Variants in NPLOC4 observed in about 807,000 individuals in gnomAD.
NPLOC4 encodes the protein nuclear protein localization protein 4 homolog.
NPLOC4 carries 18 observed loss-of-function variants against 80.6 expected under a neutral mutation model. The observed-to-expected ratio is 0.22, with a 90% CI of 0.15 to 0.33. The LOEUF (loss-of-function observed/expected upper bound fraction) is 0.33, where lower values mean the gene tolerates loss of function less well. Ranked by LOEUF, NPLOC4 falls within the 10% of genes least tolerant of loss-of-function variation. The pLI is 1.00. For synonymous variants in NPLOC4, 313 were observed against 301.5 expected (o/e 1.04, Z -0.39); for missense variants, 540 against 786.1 (o/e 0.69, Z 3.74).
rs1204515010 is a variant in NPLOC4 at position 81,613,590 on chromosome 17, C to A, written c.210-96G>T. 2.0e-5 allele frequency: 21 copies of A among 1,050,518 alleles called. 1 individual carries two copies. Among genetic ancestry groups the A allele is most frequent in the East Asian group, 7.8e-5 (3 of 38,452 alleles). 65.1% of individuals were successfully genotyped at this position (1,050,518 alleles called of 1,614,324 possible). A position where few individuals can be genotyped will look rare whatever the true frequency, so the allele number is the denominator to read the frequency against. On this transcript the variant is annotated intron_variant, in intron 3 of 16. Coordinates refer to ENST00000331134, the MANE Select transcript of NPLOC4 (RefSeq NM_017921.4). ...ATCTGCAAAAAGCAAATGCCAACCA[C>A]CCCTGTAGGCCTAAACAATGAGGTT...
intron 1 of NPLOC4, among the ~76,000 whole-genome samples, chr17:81,634,301 C>G (rs1326145569): frequency 6.6e-6 from 1 of 151,838 alleles, no homozygotes; most frequent in Non-Finnish European, 1.5e-5. Flanking sequence ...ATGCCCAGCC[C>G]AGAAACTTTT....
intron 12 of NPLOC4, among the ~76,000 whole-genome samples, chr17:81,586,525 G>T (rs1332019740): frequency 6.6e-6 from 1 of 151,302 alleles, no homozygotes; most frequent in Admixed American, 6.6e-5. Flanking sequence ...CACAAGAATC[G>T]CTTGAACTCA....
chr17:81,592,434 A>C (rs559866727), intron 11 of NPLOC4, among the ~76,000 whole-genome samples: 304 of 152,280 alleles, frequency 2.0e-3, no homozygotes, highest in African/African-American at 6.9e-3. Flanking sequence ...GAGCACCAAG[A>C]GGGGTGATTC....
intron 3 of NPLOC4, among the ~76,000 whole-genome samples, chr17:81,620,977 C>T (rs764865616): frequency 7.3e-5 from 11 of 151,672 alleles, no homozygotes; most frequent in Non-Finnish European, 1.2e-4. Flanking sequence ...GAGCTACGAT[C>T]GCACCACCGC....
intron 13 of NPLOC4, among the ~76,000 whole-genome samples, chr17:81,569,826 A>G (rs542196308): frequency 2.0e-4 from 31 of 152,334 alleles, no homozygotes; most frequent in Non-Finnish European, 4.0e-4. Flanking sequence ...GATATAATCA[A>G]TAGATGCTAC....
At chr17:81,611,047 C>A (rs1014567162) in intron 4 of NPLOC4, among the ~76,000 whole-genome samples, 7 of 151,940 alleles carry the variant, frequency 4.6e-5, no homozygotes, top group Non-Finnish European at 2.9e-5. Flanking sequence ...TGGCCAAAGG[C>A]AGTGGCTCAC....
intron 2 of NPLOC4, among the ~76,000 whole-genome samples, chr17:81,626,492 C>T (rs2035799015): frequency 6.6e-6 from 1 of 152,068 alleles, no homozygotes; most frequent in South Asian, 2.1e-4. Flanking sequence ...CTACTGAAAG[C>T]CAGAGGTCAA....
At chr17:81,595,702 G>A (rs1223284783) in intron 11 of NPLOC4, among the ~76,000 whole-genome samples, 1 of 151,544 alleles carries the variant, frequency 6.6e-6, no homozygotes, top group East Asian at 1.9e-4. Flanking sequence ...CCACCACCAT[G>A]CCCAGCTAAT....
Position 81,558,489 on chromosome 17 carries a change from C to A in NPLOC4, c.*770G>T, listed in dbSNP as rs1385744693. The A allele has an allele frequency of 6.6e-6, 1 of 152,214 alleles. No individual in the cohort carries two copies. Among genetic ancestry groups the A allele is most frequent in the South Asian group, 2.1e-4 (1 of 4,830 alleles). The allele number at this position is 152,214 out of a possible 1,614,324, so 9.4% of individuals were successfully genotyped here. Reference sequence around the variant, plus strand: ...GAACTGACTGGTGCCCCCGTCCACACTCATCACCCTGGACACAACCTCGGG... The same window carrying A: ...GAACTGACTGGTGCCCCCGTCCACAATCATCACCCTGGACACAACCTCGGG... On this transcript the variant is annotated 3_prime_UTR_variant, in exon 17 of 17. Coordinates refer to ENST00000331134, the MANE Select transcript of NPLOC4 (RefSeq NM_017921.4).
chr17:81,563,771 G>GCAGCC (rs2033922939), intron 16 of NPLOC4: 1 of 346,228 alleles, frequency 2.9e-6, no homozygotes, highest in African/African-American at 2.2e-5. Flanking sequence ...AAAAAATTTT[G>GCAGCC]CAGCCATAAA....
At chr17:81,618,266 G>T (rs561466161) in intron 3 of NPLOC4, among the ~76,000 whole-genome samples, 268 of 150,704 alleles carry the variant, frequency 1.8e-3, no homozygotes, top group Non-Finnish European at 2.7e-3. Flanking sequence ...GTCTCTGCCC[G>T]GCCGCCCATC....
rs1042052146 is a variant in NPLOC4 at position 81,572,350 on chromosome 17, G to A, written c.1282-262C>T. Among the ~76,000 whole-genome samples the A allele has an allele frequency of 3.2e-4, 49 of 151,866 alleles. No individual in the cohort carries two copies. Among genetic ancestry groups the A allele is most frequent in the Middle Eastern group, 6.8e-3 (2 of 294 alleles). On this transcript the variant is annotated intron_variant, in intron 12 of 16. Transcript: ENST00000331134. This position sits in a 1 kb window ranked among gnomAD's most constrained non-coding sequence, Gnocchi z 4.5. ...ACTACAGGCGCCCGCCACCACGCCCGGCTAATTTTTTTTGTATTTTTTAGT... is the reference window on the plus strand; with the variant it reads ...ACTACAGGCGCCCGCCACCACGCCCAGCTAATTTTTTTTGTATTTTTTAGT...
chr17:81,596,840 C>G (rs1294755845), intron 10 of NPLOC4, among the ~76,000 whole-genome samples: 3 of 152,008 alleles, frequency 2.0e-5, no homozygotes, highest in South Asian at 2.1e-4. Context: ...GAGGGCTGGG[C>G]ATGGTGGCTC....
intron 11 of NPLOC4, among the ~76,000 whole-genome samples, chr17:81,589,469 T>C (rs1037855189): frequency 7.0e-6 from 1 of 143,358 alleles, no homozygotes; most frequent in African/African-American, 2.6e-5. Flanking sequence ...ACCCGGGAGG[T>C]GGAGCTTGCA....
chr17:81,585,689 A>G, intron 12 of NPLOC4, among the ~76,000 whole-genome samples: 1 of 145,354 alleles, frequency 6.9e-6, no homozygotes, highest in African/African-American at 2.6e-5. Context: ...AAGAAATCAG[A>G]GGCTGGGTGC....
chr17:81,571,611 C>G (rs1257178967), intron 13 of NPLOC4, among the ~76,000 whole-genome samples: 1 of 152,214 alleles, frequency 6.6e-6, no homozygotes, highest in African/African-American at 2.4e-5. Flanking sequence ...TGCAGGACAG[C>G]TGACAGCCAC....
At chr17:81,613,822 C>T (rs767843357) in intron 3 of NPLOC4, among the ~76,000 whole-genome samples, 1 of 152,030 alleles carries the variant, frequency 6.6e-6, no homozygotes, top group Non-Finnish European at 1.5e-5. Context: ...CGCCTCTCAC[C>T]CTCTGCTTGG....
In NPLOC4 at chr17:81,577,666, T is replaced by A. The variant is rs183102866; in HGVS notation, c.1282-5578A>T. ...GAGTCCTGGCAACCGTCTGTCCTGC[T>A]CCATCTTCAAACTCTGCGTGCTGGC... On this transcript the variant is annotated intron_variant, in intron 12 of 16. Coordinates refer to ENST00000331134, the MANE Select transcript of NPLOC4 (RefSeq NM_017921.4). The surrounding 1 kb of genome is among the most constrained non-coding windows in gnomAD (Gnocchi z 4.3). 1.1e-3 allele frequency among the ~76,000 whole-genome samples: 168 copies of A among 152,280 alleles called. No individual in the cohort carries two copies. The highest frequency in any genetic ancestry group is 3.7e-3 in the African/African-American group (154 of 41,552).
intron 11 of NPLOC4, among the ~76,000 whole-genome samples, chr17:81,589,833 A>T (rs1012606160): frequency 9.3e-5 from 14 of 149,778 alleles, no homozygotes; most frequent in African/African-American, 3.4e-4. Context: ...CCCTATCTTT[A>T]CAATAAATCA....
Sources: gnomAD v4.1 joint callset for allele counts (sites outside exome capture counted in the v4.1 genomes callset) on GRCh38, gnomAD v4.1.1 for gene constraint, Gnocchi (gnomAD v3.1) non-coding constraint, MANE v1.5 for transcripts, NCBI Gene and HGNC (gene_info 2026-07-23, HGNC 2026-07-21) for gene names.